FAM135B: variants seen among roughly 807,000 people sequenced by gnomAD.
FAM135B encodes the protein family with sequence similarity 135 member B, also known as protein FAM135B.
FAM135B carries 43 observed loss-of-function variants against 127.7 expected under a neutral mutation model. The observed-to-expected ratio is 0.34, with a 90% CI of 0.26 to 0.43. FAM135B has a LOEUF of 0.43. FAM135B is among the 20% of genes least tolerant of loss of function. FAM135B has a pLI of 1.00. For synonymous variants in FAM135B, 670 were observed against 665.1 expected, an observed-to-expected ratio of 1.01 and a Z score of -0.11; for missense variants, 1,558 against 1,725.6, an observed-to-expected ratio of 0.90 and a Z score of 1.72.
chr8:138,335,856 G>C (rs946333487), intron 2 of FAM135B, among the ~76,000 whole-genome samples: 3 of 152,200 alleles, frequency 2.0e-5, no homozygotes, highest in Non-Finnish European at 4.4e-5. Context: ...ATAGTTGGAA[G>C]TAAAGCACTC....
In FAM135B at chr8:138,135,498, T is replaced by G. The variant is rs886961495; in HGVS notation, c.4015+1649A>C. Among the ~76,000 whole-genome samples the G allele has an allele frequency of 3.9e-5, 6 of 152,314 alleles. No homozygotes were observed. The South Asian group carries it at 1.2e-3, about 32-fold the overall frequency. ...TTTAAAAATTCAGGCTGAAAAATTA[T>G]AAGCAAATATCTTTAAATTAATATT... On this transcript the variant is annotated intron_variant, in intron 19 of 19. Transcript: ENST00000395297.
intron 2 of FAM135B, among the ~76,000 whole-genome samples, chr8:138,313,394 A>G (rs2130905999): frequency 6.6e-6 from 1 of 152,330 alleles, no homozygotes; most frequent in African/African-American, 2.4e-5. Context: ...GGCCTCCCAA[A>G]GTGCTGGGAT....
At chr8:138,401,462 CAGGAGGCACAG>C (rs1169737434) in intron 1 of FAM135B, among the ~76,000 whole-genome samples, 1 of 152,204 alleles carries the variant, frequency 6.6e-6, no homozygotes, top group African/African-American at 2.4e-5. Flanking sequence ...AGCAGGCACA[CAGGAGGCACAG>C]GGCACTCACG....
At chr8:138,344,816 C>G (rs897893775) in intron 2 of FAM135B, among the ~76,000 whole-genome samples, 1 of 152,144 alleles carries the variant, frequency 6.6e-6, no homozygotes. Context: ...ACCTCGTGAT[C>G]TGCCTGCCTC....
chr8:138,324,000 A>G (rs564897276), intron 2 of FAM135B, among the ~76,000 whole-genome samples: 2 of 152,364 alleles, frequency 1.3e-5, no homozygotes, highest in South Asian at 4.1e-4. Flanking sequence ...CCAAAGCCAC[A>G]GGTGACAGGA....
chr8:138,396,832 G>C lies in FAM135B; in HGVS notation c.-19-28830C>G, dbSNP rs55818580. ...CTTTGCAAATAAGGAAGCCCATCTG[G>C]TTACCTTCCCCTAGACCTATCCCCA... is the stretch of plus-strand genomic sequence containing the variant. On this transcript the variant is annotated intron_variant, in intron 1 of 19. Coordinates refer to ENST00000395297, the MANE Select transcript of FAM135B (RefSeq NM_015912.4). 2.4e-3 allele frequency among the ~76,000 whole-genome samples: 370 copies of C among 152,204 alleles called. 1 individual carries two copies. The highest frequency in any genetic ancestry group is 3.4e-3 in the Non-Finnish European group (230 of 68,014).
At chr8:138,492,428 C>T (rs923911964) in intron 1 of FAM135B, among the ~76,000 whole-genome samples, 8 of 152,116 alleles carry the variant, frequency 5.3e-5, no homozygotes, top group Non-Finnish European at 8.8e-5. Context: ...AGCATCTCTG[C>T]AGAGCCTCCT....
chr8:138,306,953 G>A (rs1826308498), intron 3 of FAM135B, among the ~76,000 whole-genome samples: 1 of 152,154 alleles, frequency 6.6e-6, no homozygotes, highest in South Asian at 2.1e-4. Flanking sequence ...CACAGTCTTG[G>A]TCCTGAGCTG....
chr8:138,249,650 G>T (rs1448297240), intron 6 of FAM135B, among the ~76,000 whole-genome samples: 1 of 152,088 alleles, frequency 6.6e-6, no homozygotes, highest in African/African-American at 2.4e-5. Context: ...GTCAGATTGG[G>T]TAACTAATTT....
At chr8:138,463,931 T>C (rs1837259237) in intron 1 of FAM135B, among the ~76,000 whole-genome samples, 1 of 152,198 alleles carries the variant, frequency 6.6e-6, no homozygotes, top group Non-Finnish European at 1.5e-5. Context: ...GCACTTAAAA[T>C]AGCAAGTATG....
intron 1 of FAM135B, among the ~76,000 whole-genome samples, chr8:138,395,989 A>G (rs1361841577): frequency 6.6e-6 from 1 of 152,214 alleles, no homozygotes; most frequent in Non-Finnish European, 1.5e-5. Flanking sequence ...TCTGGGCATC[A>G]GGGTTGTAAC....
chr8:138,192,611 T>G (rs1164295948), intron 9 of FAM135B, among the ~76,000 whole-genome samples: 1 of 39,198 alleles, frequency 2.6e-5, no homozygotes, highest in Non-Finnish European at 6.4e-5. Context: ...CATCTGGTCT[T>G]GTGGCCCTCA....
At chr8:138,363,981 GCA>G (rs1830590801) in intron 2 of FAM135B, among the ~76,000 whole-genome samples, 1 of 152,038 alleles carries the variant, frequency 6.6e-6, no homozygotes, top group Admixed American at 6.6e-5. Flanking sequence ...ACCTTGTAGA[GCA>G]CACATTTAAT....
chr8:138,288,503 G>A (rs1393253196), intron 3 of FAM135B, among the ~76,000 whole-genome samples: 1 of 152,132 alleles, frequency 6.6e-6, no homozygotes, highest in African/African-American at 2.4e-5. Context: ...GGGGGAGACA[G>A]AGGGAAAAGC....
chr8:138,172,786 A>C (rs567998858), intron 11 of FAM135B, among the ~76,000 whole-genome samples: 22 of 152,338 alleles, frequency 1.4e-4, no homozygotes, highest in African/African-American at 5.0e-4. Context: ...TTAAGTAAAT[A>C]AGAAATCCTC....
intron 1 of FAM135B, among the ~76,000 whole-genome samples, chr8:138,461,754 AT>A (rs1179456656): frequency 6.6e-6 from 1 of 152,136 alleles, no homozygotes; most frequent in African/African-American, 2.4e-5. Context: ...GACTATTGGG[AT>A]TTAAACCCAG....
At chr8:138,356,391 A>C (rs1051440441) in intron 2 of FAM135B, among the ~76,000 whole-genome samples, 2 of 152,174 alleles carry the variant, frequency 1.3e-5, no homozygotes, top group East Asian at 3.9e-4. Context: ...GTTCAAAACC[A>C]GGGCAGATAT....
chr8:138,483,608 T>C (rs541903558), intron 1 of FAM135B, among the ~76,000 whole-genome samples: 2 of 152,270 alleles, frequency 1.3e-5, no homozygotes, highest in East Asian at 3.9e-4. Context: ...AATAATATCA[T>C]ATTGTGCTAA....
At chr8:138,416,242 A>C (rs1834141648) in intron 1 of FAM135B, among the ~76,000 whole-genome samples, 1 of 152,172 alleles carries the variant, frequency 6.6e-6, no homozygotes, top group African/African-American at 2.4e-5. Context: ...AAAGCACAGG[A>C]GCTTAAGTCA....
Sources: gnomAD v4.1 joint callset for allele counts (sites outside exome capture counted in the v4.1 genomes callset) on GRCh38, gnomAD v4.1.1 for gene constraint, MANE v1.5 for transcripts, NCBI Gene and HGNC (gene_info 2026-07-23, HGNC 2026-07-21) for gene names.